The following LARS1 variants were observed in gnomAD, a reference collection of about 807,000 sequenced individuals.
LARS1 encodes leucyl-tRNA synthetase 1.
In LARS1, 100 loss-of-function variants were observed where a neutral mutation model predicts 162.8. The observed-to-expected ratio is 0.61, with a 90% CI of 0.52 to 0.73. The LOEUF (loss-of-function observed/expected upper bound fraction) is 0.73, where lower values mean the gene tolerates loss of function less well. LARS1 is among the 30% of genes least tolerant of loss of function. LARS1 has a pLI of 0.00. For missense variants in LARS1, 1,258 were observed against 1,408.9 expected, an observed-to-expected ratio of 0.89 and a Z score of 1.71; for synonymous variants, 457 against 462.8, an observed-to-expected ratio of 0.99 and a Z score of 0.16.
Position 146,174,519 on chromosome 5 carries a change from TCC to T in LARS1, c.126-1747_126-1746del, listed in dbSNP as rs376438569. ...ATATATCCATATATATATATATATA[TCC>T]ATATATATATATATATCCATATATG... On this transcript the variant is annotated intron_variant, in intron 2 of 31. Transcript: ENST00000394434. 1.4e-3 allele frequency among the ~76,000 whole-genome samples: 66 copies of T among 48,058 alleles called. 1 individual carries two copies. Among genetic ancestry groups the T allele is most frequent in the African/African-American group, 4.3e-3 (65 of 15,054 alleles). 31.5% of individuals were successfully genotyped at this position (48,058 alleles called of 152,430 possible).
chr5:146,168,996 A>G (rs1056984045), intron 4 of LARS1, among the ~76,000 whole-genome samples: 3 of 152,126 alleles, frequency 2.0e-5, no homozygotes, highest in African/African-American at 7.2e-5. Context: ...GCACACCAAT[A>G]TGGCACATGT....
At chr5:146,140,760 G>A (rs905629866) in intron 20 of LARS1, among the ~76,000 whole-genome samples, 3 of 152,204 alleles carry the variant, frequency 2.0e-5, no homozygotes, top group South Asian at 2.1e-4. Flanking sequence ...AGCCAAGATC[G>A]CGCCACTGCA....
intron 14 of LARS1, 151 bp downstream of exon 14, chr5:146,151,711 T>G (rs951269737): frequency 1.3e-6 from 1 of 756,484 alleles, no homozygotes; most frequent in Non-Finnish European, 2.1e-6. Context: ...AAACAAAAAT[T>G]AGAAATTTGG....
Position 146,177,606 on chromosome 5 carries a change from C to A in LARS1, c.66G>T (p.Gln22His), listed in dbSNP as rs758153133. 52 of 1,604,244 alleles carry A rather than the reference C, an allele frequency of 3.2e-5. No individual in the cohort carries two copies. Among genetic ancestry groups the A allele is most frequent in the Non-Finnish European group, 4.3e-5 (51 of 1,174,462 alleles). Residue 22 changes from glutamine to histidine, a missense_variant, in exon 2 of 32, where the codon CAG (glutamine) becomes CAT (histidine). Coordinates refer to ENST00000394434, the MANE Select transcript of LARS1 (RefSeq NM_020117.11). ...CAAACACTCTCTCAGTATCCCATTT[C>A]TGTTGGATTTCTTTCTCAATCTTCT... Reference protein sequence around the residue: ...FLKKIEKEIQQKWDTERVFEV... With the variant: ...FLKKIEKEIQHKWDTERVFEV...
At chr5:146,164,934 A>G (rs956319583) in intron 5 of LARS1, among the ~76,000 whole-genome samples, 1 of 152,238 alleles carries the variant, frequency 6.6e-6, no homozygotes, top group African/African-American at 2.4e-5. Flanking sequence ...CACTATAATG[A>G]GGCAGCATAA....
chr5:146,116,897 T>C (rs1045459474), intron 31 of LARS1, among the ~76,000 whole-genome samples: 1 of 152,182 alleles, frequency 6.6e-6, no homozygotes, highest in South Asian at 2.1e-4. Flanking sequence ...AATAACTATG[T>C]TACTGAATTT....
intron 13 of LARS1, among the ~76,000 whole-genome samples, chr5:146,152,421 A>AC (rs908472444): frequency 6.6e-6 from 1 of 151,994 alleles, no homozygotes; most frequent in African/African-American, 2.4e-5. Flanking sequence ...GGCGAGCATC[A>AC]CCCCCTGAGC....
At chr5:146,158,825 G>T (rs1050479138) in intron 8 of LARS1, among the ~76,000 whole-genome samples, 5 of 152,130 alleles carry the variant, frequency 3.3e-5, no homozygotes, top group Non-Finnish European at 7.4e-5. Context: ...GGCCGGGCAC[G>T]GTGGCTCACG....
In LARS1 at chr5:146,174,377, G is replaced by A. The variant is rs149640998; in HGVS notation, c.126-1603C>T. Among the ~76,000 whole-genome samples the A allele has an allele frequency of 2.2e-3, 317 of 143,204 alleles. 3 individuals are homozygous for A. The highest frequency in any genetic ancestry group is 7.6e-3 in the African/African-American group (303 of 39,630). The allele number at this position is 143,204 out of a possible 152,430, so 93.9% of individuals were successfully genotyped here. A position where few individuals can be genotyped will look rare whatever the true frequency, so the allele number is the denominator to read the frequency against. On this transcript the variant is annotated intron_variant, in intron 2 of 31. Transcript: ENST00000394434. Reference sequence around the variant, plus strand: ...GGAGAATCGCTTGAACACGGGAGTCGGAGGTTGCGGTGAGCCGAGATCACA... The same window carrying A: ...GGAGAATCGCTTGAACACGGGAGTCAGAGGTTGCGGTGAGCCGAGATCACA...
chr5:146,129,601 A>G (rs1752191143), intron 25 of LARS1, among the ~76,000 whole-genome samples: 2 of 152,172 alleles, frequency 1.3e-5, no homozygotes, highest in South Asian at 4.1e-4. Context: ...ATTTATCTGT[A>G]AGCCTGGGAG....
chr5:146,130,287 CT>C lies in LARS1; in HGVS notation c.2488-130del. 3 of 860,988 alleles carry C rather than the reference CT, an allele frequency of 3.5e-6. No individual in the cohort carries two copies. The South Asian group carries it at 4.9e-5, about 14-fold the overall frequency. The allele number at this position is 860,988 out of a possible 1,614,324, so 53.3% of individuals were successfully genotyped here. ...TCTTTTAAAAATCCATAACAAATTA[CT>C]GTAAAGGTTTTACTTTAAGAATCTG... is the stretch of plus-strand genomic sequence containing the variant. On this transcript the variant is annotated intron_variant, in intron 24 of 31. Transcript: ENST00000394434.
chr5:146,164,191 G>A (rs1581072019), intron 6 of LARS1, 119 bp downstream of exon 6: 3 of 973,164 alleles, frequency 3.1e-6, no homozygotes, highest in Non-Finnish European at 4.7e-6. Context: ...CTCAACGCAG[G>A]GTTGCCACAA....
chr5:146,167,571 T>C (rs955093416), intron 5 of LARS1, among the ~76,000 whole-genome samples: 34 of 152,104 alleles, frequency 2.2e-4, no homozygotes, highest in African/African-American at 8.2e-4. Flanking sequence ...GCCCGGCTAA[T>C]TTTTTGTAGA....
At position 146,123,999 on chromosome 5, in the gene LARS1, G is replaced by C. The variant is rs1017639400; in HGVS notation, c.3079C>G (p.Leu1027Val). 5.1e-5 allele frequency: 82 copies of C among 1,601,264 alleles called. No homozygotes were observed. The highest frequency in any genetic ancestry group is 7.0e-5 in the Non-Finnish European group (82 of 1,169,764). Residue 1027 changes from leucine to valine, a missense_variant, in exon 29 of 32, where the codon CTG becomes GTG. Leu to Val is a conservative substitution (Grantham distance 32). Coordinates refer to ENST00000394434, the MANE Select transcript of LARS1 (RefSeq NM_020117.11). The stretch of plus-strand genomic sequence containing the variant: ...CCTCTTACCTCAAGCGAATTAGTCA[G>C]ATAGACTATATTCTCCATAAGCACA... ...KAVLMENIVY[L>V]TNSLELEHIE... is the part of the protein sequence containing the mutation.
intron 31 of LARS1, among the ~76,000 whole-genome samples, chr5:146,117,116 C>T (rs1751586520): frequency 6.6e-6 from 1 of 152,038 alleles, no homozygotes; most frequent in Non-Finnish European, 1.5e-5. Flanking sequence ...ATATTTTTCA[C>T]AGCTAGTATG....
chr5:146,163,894 CT>C (rs1174845637), intron 6 of LARS1, among the ~76,000 whole-genome samples: 1 of 152,138 alleles, frequency 6.6e-6, no homozygotes, highest in Non-Finnish European at 1.5e-5. Flanking sequence ...AGGTTAATAA[CT>C]GGCTTCAAGA....
In LARS1 at chr5:146,151,970, A is replaced by C. The variant is rs1246626883; in HGVS notation, c.1317T>G (p.Asn439Lys). Residue 439 changes from asparagine (N) to lysine (K), a missense_variant, in exon 14 of 32, where the codon AAT becomes AAG. Coordinates refer to ENST00000394434, the MANE Select transcript of LARS1 (RefSeq NM_020117.11). Reference sequence around the variant, plus strand: ...CATCACAAATGGTTACAGCAGAAAGATTTCCAAAACCTGGGATTTCAATGA... The same window carrying C: ...CATCACAAATGGTTACAGCAGAAAGCTTTCCAAAACCTGGGATTTCAATGA... ...VPVIEIPGFGNLSAVTICDEL... is the reference protein window; with the variant it reads ...VPVIEIPGFGKLSAVTICDEL... The C allele has an allele frequency of 3.1e-6, 5 of 1,613,990 alleles. No homozygotes were observed. The East Asian group carries it at 1.1e-4, about 36-fold the overall frequency.
chr5:146,178,092 C>T (rs945342206), intron 1 of LARS1, among the ~76,000 whole-genome samples: 10 of 149,980 alleles, frequency 6.7e-5, no homozygotes, highest in African/African-American at 1.7e-4. Flanking sequence ...AGCAAGACTC[C>T]GCCAGAAAAA....
intron 19 of LARS1, 87 bp downstream of exon 19, chr5:146,143,325 A>C: frequency 6.7e-7 from 1 of 1,485,092 alleles, no homozygotes; most frequent in Non-Finnish European, 9.1e-7. Flanking sequence ...CTGTGAAATA[A>C]ATCTTATTAA....
Sources: allele counts gnomAD v4.1 joint callset (sites outside exome capture counted in the v4.1 genomes callset), GRCh38; gene constraint gnomAD v4.1.1; transcripts MANE v1.5; gene names NCBI Gene and HGNC (gene_info 2026-07-23, HGNC 2026-07-21).